GCSAML: variants seen among roughly 807,000 people sequenced by gnomAD.
GCSAML encodes the protein germinal center associated signaling and motility like.
Under a neutral mutation model 13.0 loss-of-function variants are expected in GCSAML, and 9 were observed. The observed-to-expected ratio is 0.69, with a 90% CI of 0.42 to 1.21. The LOEUF is 1.21. Among genes scored for constraint, GCSAML ranks in the 50% most tolerant of loss-of-function variants. The pLI is 0.00. For synonymous variants in GCSAML, 37 were observed against 52.9 expected (o/e 0.70, Z 1.31); for missense variants, 143 against 153.4 (o/e 0.93, Z 0.36).
intron 1 of GCSAML, among the ~76,000 whole-genome samples, chr1:247,554,933 G>A (rs950073795): frequency 6.6e-6 from 1 of 152,072 alleles, no homozygotes; most frequent in Non-Finnish European, 1.5e-5. Context: ...TACATCTAAA[G>A]CTTAATAAAA....
intron 1 of GCSAML, among the ~76,000 whole-genome samples, chr1:247,515,976 G>A (rs1378377102): frequency 6.6e-6 from 1 of 152,174 alleles, no homozygotes; most frequent in Non-Finnish European, 1.5e-5. Context: ...GTTGAGGGGG[G>A]AGGAGACCCA....
upstream of GCSAML, among the ~76,000 whole-genome samples, chr1:247,546,046 T>A (rs182005655): frequency 6.6e-6 from 1 of 152,222 alleles, no homozygotes; most frequent in African/African-American, 2.4e-5. Flanking sequence ...GTAGCATAAA[T>A]GTACGCATAT....
Position 247,577,431 on chromosome 1 carries a change from T to A in GCSAML, c.*3049T>A, listed in dbSNP as rs1001447759. 2.0e-5 allele frequency: 3 copies of A among 152,340 alleles called. No individual in the cohort carries two copies. The highest frequency in any genetic ancestry group is 3.4e-3 in the Middle Eastern group (1 of 294). 9.4% of individuals were successfully genotyped at this position (152,340 alleles called of 1,614,324 possible). A position where few individuals can be genotyped will look rare whatever the true frequency, so the allele number is the denominator to read the frequency against. On this transcript the variant is annotated 3_prime_UTR_variant, in exon 5 of 5. Coordinates refer to ENST00000366488, the MANE Select transcript of GCSAML (RefSeq NM_145278.5). ...ATGATCTGCTTCGTATAATTATAAC[T>A]GTTCTAGATATTTGTAGCAATGTAC...
intron 2 of GCSAML, chr1:247,531,317 A>ATG (rs1478230942): frequency 3.6e-6 from 2 of 552,330 alleles, no homozygotes; most frequent in Non-Finnish European, 6.4e-6. Flanking sequence ...GACAGTCAAC[A>ATG]TGTGTATATA....
intron 1 of GCSAML, among the ~76,000 whole-genome samples, chr1:247,555,373 C>A (rs1420554525): frequency 6.6e-6 from 1 of 152,182 alleles, no homozygotes; most frequent in African/African-American, 2.4e-5. Context: ...ATTAAATAAA[C>A]ATTACATCCA....
At chr1:247,514,818 A>G (rs1406534390) in intron 1 of GCSAML, among the ~76,000 whole-genome samples, 6 of 152,282 alleles carry the variant, frequency 3.9e-5, no homozygotes, top group African/African-American at 1.4e-4. Context: ...CCATTGGTCA[A>G]TGTCCCGATT....
intron 1 of GCSAML, among the ~76,000 whole-genome samples, chr1:247,508,022 A>G (rs1180984793): frequency 1.3e-5 from 2 of 152,194 alleles, no homozygotes; most frequent in Non-Finnish European, 2.9e-5. Context: ...TCCTTTGGGT[A>G]TATATCCAGT....
chr1:247,550,503 G>T (rs893899977), intron 1 of GCSAML, among the ~76,000 whole-genome samples: 1 of 152,238 alleles, frequency 6.6e-6, no homozygotes, highest in African/African-American at 2.4e-5. Flanking sequence ...CGGGCGTGGT[G>T]GTGGGCACCT....
upstream of GCSAML, among the ~76,000 whole-genome samples, chr1:247,547,179 T>G (rs1667614756): frequency 1.3e-5 from 2 of 152,174 alleles, no homozygotes; most frequent in Non-Finnish European, 2.9e-5. Flanking sequence ...TTAAATATTT[T>G]ATTTTTTCTT....
intron 2 of GCSAML, chr1:247,532,002 A>T: frequency 1.2e-6 from 2 of 1,614,118 alleles, no homozygotes; most frequent in Non-Finnish European, 8.5e-7. Flanking sequence ...AATTGTTCCC[A>T]CACAGCGGTA....
chr1:247,561,840 C>A (rs1045844618), intron 2 of GCSAML, among the ~76,000 whole-genome samples: 1 of 152,034 alleles, frequency 6.6e-6, no homozygotes, highest in African/African-American at 2.4e-5. Flanking sequence ...AGACGAGAAA[C>A]AAGCTATGGC....
chr1:247,563,261 C>G (rs1165636537), intron 2 of GCSAML, among the ~76,000 whole-genome samples: 1 of 152,100 alleles, frequency 6.6e-6, no homozygotes, highest in Non-Finnish European at 1.5e-5. Context: ...AAATAAATTT[C>G]AAAACTTTCC....
At chr1:247,566,306 G>A (rs1668363123) in intron 4 of GCSAML, among the ~76,000 whole-genome samples, 1 of 152,086 alleles carries the variant, frequency 6.6e-6, no homozygotes, top group East Asian at 1.9e-4. Flanking sequence ...GCAGTGGCAC[G>A]ATCTCGGCTC....
intron 1 of GCSAML, among the ~76,000 whole-genome samples, chr1:247,524,477 A>G (rs1387779125): frequency 6.6e-6 from 1 of 152,162 alleles, no homozygotes; most frequent in East Asian, 1.9e-4. Context: ...AGTTGATCGT[A>G]TCTCTTAACC....
At chr1:247,537,325 A>G (rs560690452) in intron 2 of GCSAML, among the ~76,000 whole-genome samples, 2 of 152,372 alleles carry the variant, frequency 1.3e-5, no homozygotes, top group East Asian at 3.9e-4. Flanking sequence ...AAGAGGAATA[A>G]TATTCCATTC....
chr1:247,511,854 T>C (rs1046297359), intron 1 of GCSAML, among the ~76,000 whole-genome samples: 1 of 152,340 alleles, frequency 6.6e-6, no homozygotes, highest in East Asian at 1.9e-4. Flanking sequence ...TTCTGACTTG[T>C]AGGGTTTCTG....
At chr1:247,547,884 C>T (rs151037379), upstream of GCSAML, among the ~76,000 whole-genome samples, 1 of 152,288 alleles carries the variant, frequency 6.6e-6, no homozygotes, top group African/African-American at 2.4e-5. Flanking sequence ...CACTTTGGTA[C>T]ATAGGTTGTC....
chr1:247,563,000 C>A (rs1668192495), intron 2 of GCSAML, among the ~76,000 whole-genome samples: 2 of 135,274 alleles, frequency 1.5e-5, no homozygotes, highest in Non-Finnish European at 3.1e-5. Context: ...CCACCGTACC[C>A]AGCTCATTTT....
intron 4 of GCSAML, among the ~76,000 whole-genome samples, chr1:247,569,357 CTTA>C (rs1558261699): frequency 6.6e-6 from 1 of 152,048 alleles, no homozygotes; most frequent in Non-Finnish European, 1.5e-5. Context: ...ATAAATAGCT[CTTA>C]TTATTTTGAG....
Sources: gnomAD v4.1 joint callset for allele counts (sites outside exome capture counted in the v4.1 genomes callset) on GRCh38, gnomAD v4.1.1 for gene constraint, MANE v1.5 for transcripts, NCBI Gene and HGNC (gene_info 2026-07-23, HGNC 2026-07-21) for gene names.